Variants in RECQL5 observed in about 807,000 individuals in gnomAD.
RECQL5 encodes the protein ATP-dependent DNA helicase Q5.
In RECQL5, 88 loss-of-function variants were observed where a neutral mutation model predicts 103.4. The observed-to-expected ratio is 0.85, with a 90% CI of 0.72 to 1.02. The LOEUF is 1.02. RECQL5 is among the 50% of genes least tolerant of loss of function. The probability of loss-of-function intolerance (pLI) is 0.00; values close to 1 mark genes in which losing one functional copy is unlikely to be tolerated. For missense variants in RECQL5, 1,232 were observed against 1,284.3 expected, an observed-to-expected ratio of 0.96 and a Z score of 0.62; for synonymous variants, 552 against 507.9, an observed-to-expected ratio of 1.09 and a Z score of -1.17.
chr17:75,661,635 C>T lies in RECQL5; in HGVS notation c.845G>A (p.Arg282Lys). Residue 282 changes from arginine to lysine, a missense_variant, in exon 5 of 20, where the codon AGG becomes AAG. Coordinates refer to ENST00000317905, the MANE Select transcript of RECQL5 (RefSeq NM_004259.7). Reference sequence around the variant, plus strand: ...ATGGTAAGCCTTGGCGTTCACACCCCTGCAGCTGAGCTCTATGGCCAGCTG... The same window carrying T: ...ATGGTAAGCCTTGGCGTTCACACCCTTGCAGCTGAGCTCTATGGCCAGCTG... ...CEQLAIELSC[R>K]GVNAKAYHAG... is the part of the protein sequence containing the mutation. The T allele has an allele frequency of 1.2e-6, 2 of 1,614,128 alleles. No homozygotes were observed. The highest frequency in any genetic ancestry group is 2.2e-5 in the South Asian group (2 of 91,082).
In RECQL5 at chr17:75,627,380, G is replaced by C. The variant is rs753971549; in HGVS notation, c.*42C>G. The C allele has an allele frequency of 1.2e-5, 18 of 1,471,882 alleles. No homozygotes were observed. The highest frequency in any genetic ancestry group is 9.5e-6 in the Non-Finnish European group (10 of 1,052,372). 91.2% of individuals were successfully genotyped at this position (1,471,882 alleles called of 1,614,324 possible). On this transcript the variant is annotated 3_prime_UTR_variant, in exon 20 of 20. Transcript: ENST00000317905. ...GTGAGGCCCAGGATGACCCATGCTA[G>C]AATCTGGGGGAGGACGCGGGCCCTG... is the stretch of plus-strand genomic sequence containing the variant.
At chr17:75,662,379 A>G (rs577709994) in intron 4 of RECQL5, 100 bp downstream of exon 4, 4 of 1,288,242 alleles carry the variant, frequency 3.1e-6, no homozygotes, top group Non-Finnish European at 4.3e-6. Flanking sequence ...AGCCTGGCTG[A>G]GAAAGCTAGA....
intron 8 of RECQL5, 117 bp from the exon 9 acceptor site, chr17:75,631,785 A>C: frequency 9.7e-7 from 1 of 1,029,990 alleles, no homozygotes; most frequent in Non-Finnish European, 1.4e-6. Flanking sequence ...CCATGCCGGG[A>C]GCCCCACACC....
Position 75,627,102 on chromosome 17 carries a change from C to T in RECQL5, c.*320G>A, listed in dbSNP as rs767692909. ...GTGGGCCTCATCCTGACTTAGAACTCGGGGAGGGGCCACTCTTCCTTCCCC... is the reference window on the plus strand; with the variant it reads ...GTGGGCCTCATCCTGACTTAGAACTTGGGGAGGGGCCACTCTTCCTTCCCC... On this transcript the variant is annotated 3_prime_UTR_variant, in exon 20 of 20. Coordinates refer to ENST00000317905, the MANE Select transcript of RECQL5 (RefSeq NM_004259.7). 16 of 498,524 alleles carry T rather than the reference C, an allele frequency of 3.2e-5. No homozygotes were observed. Among genetic ancestry groups the T allele is most frequent in the South Asian group, 7.7e-5 (5 of 64,596 alleles). 30.9% of individuals were successfully genotyped at this position (498,524 alleles called of 1,614,324 possible). A position where few individuals can be genotyped will look rare whatever the true frequency, so the allele number is the denominator to read the frequency against.
intron 3 of RECQL5, among the ~76,000 whole-genome samples, chr17:75,664,171 T>G (rs1381675949): frequency 6.6e-6 from 1 of 152,104 alleles, no homozygotes; most frequent in African/African-American, 2.4e-5. Flanking sequence ...TCTACCTTCC[T>G]TCATGGTGGA....
At chr17:75,645,152 G>A (rs2059475025) in intron 8 of RECQL5, among the ~76,000 whole-genome samples, 1 of 152,180 alleles carries the variant, frequency 6.6e-6, no homozygotes, top group Non-Finnish European at 1.5e-5. Context: ...GGAACTTAAA[G>A]GCAAAGGAAG....
intron 14 of RECQL5, 35 bp from the exon 15 acceptor site, chr17:75,629,877 G>A (rs762431467): frequency 3.9e-5 from 61 of 1,567,268 alleles, no homozygotes; most frequent in South Asian, 7.0e-5. Context: ...TGTGGCACCC[G>A]CCAGCTCCTC....
chr17:75,634,110 G>A, intron 8 of RECQL5: 1 of 985,574 alleles, frequency 1.0e-6, no homozygotes, highest in Non-Finnish European at 1.2e-6. Flanking sequence ...GCGCCCAGGG[G>A]AGCAGCGGCG....
Position 75,629,307 on chromosome 17 carries a change from T to G in RECQL5, c.2116A>C (p.Ser706Arg). ...CCTCTGGGCCCAGGGAGGGGCTCAC[T>G]CCCATCCTCATCCAGGAGGCCACAG... ...RPCGLLDEDG[S>R]EPLPGPRGEV... is the part of the protein sequence containing the mutation. Residue 706 changes from serine to arginine, a missense_variant, in exon 16 of 20, where the codon AGT becomes CGT. Ser to Arg is a moderately radical substitution (Grantham distance 110). Coordinates refer to ENST00000317905, the MANE Select transcript of RECQL5 (RefSeq NM_004259.7). 1 of 1,561,056 alleles carries G rather than the reference T, an allele frequency of 6.4e-7. No individual in the cohort carries two copies. Among genetic ancestry groups the G allele is most frequent in the Non-Finnish European group, 8.7e-7 (1 of 1,151,962 alleles).
chr17:75,636,085 A>G lies in RECQL5; in HGVS notation c.1230-4417T>C, dbSNP rs573285279. ...CAGGGCACACCCTCTGAAGGCTCCA[A>G]GCAGGGCTGGCTGGGCAGCCTGGGC... is the stretch of plus-strand genomic sequence containing the variant. On this transcript the variant is annotated intron_variant, in intron 8 of 19. Transcript: ENST00000317905. The surrounding 1 kb of genome is among the most constrained non-coding windows in gnomAD (Gnocchi z 5.4). 3.9e-5 allele frequency among the ~76,000 whole-genome samples: 6 copies of G among 152,306 alleles called. No homozygotes were observed. The South Asian group carries it at 1.0e-3, about 26-fold the overall frequency.
chr17:75,633,653 C>T, intron 8 of RECQL5: 3 of 1,173,390 alleles, frequency 2.6e-6, no homozygotes, highest in South Asian at 1.6e-5. Flanking sequence ...TGAGAGAGGC[C>T]AGAGGGAGGG....
chr17:75,659,669 G>A (rs1012920950), intron 6 of RECQL5, among the ~76,000 whole-genome samples: 2 of 152,090 alleles, frequency 1.3e-5, no homozygotes, highest in East Asian at 1.9e-4. Context: ...CCCAGGGTTC[G>A]AACTCTGATT....
chr17:75,666,450 A>G lies in RECQL5; in HGVS notation c.108T>C (p.Ser36=), dbSNP rs1360543307. The G allele has an allele frequency of 6.2e-7, 1 of 1,613,918 alleles. No homozygotes were observed. Among genetic ancestry groups the G allele is most frequent in the South Asian group, 1.1e-5 (1 of 91,056 alleles). The change falls in exon 2 of 20, where the codon AGT becomes AGC. Residue 36 remains serine, a synonymous_variant. Transcript: ENST00000317905. ...TACCTTTTACTACAGCCATGGTCGC[A>G]CTCTCCTGTAAAGGCGTCTTAAAAG... ...FDSFKTPLQE[S]ATMAVVKGNK...
chr17:75,642,718 G>C (rs1298642864), intron 8 of RECQL5, among the ~76,000 whole-genome samples: 1 of 152,200 alleles, frequency 6.6e-6, no homozygotes, highest in Non-Finnish European at 1.5e-5. Context: ...TCAGCATTTT[G>C]GTGCAGATAA....
At chr17:75,658,009 T>C (rs748886183) in intron 7 of RECQL5, among the ~76,000 whole-genome samples, 2 of 151,760 alleles carry the variant, frequency 1.3e-5, no homozygotes, top group Non-Finnish European at 2.9e-5. Context: ...GTTCATGCCA[T>C]TGCACTCCAG....
intron 19 of RECQL5, 33 bp downstream of exon 19, chr17:75,627,590 G>C: frequency 6.2e-7 from 1 of 1,613,522 alleles, no homozygotes; most frequent in Non-Finnish European, 8.5e-7. Flanking sequence ...ACCCTCCCAA[G>C]TGCCTCCTGG....
Position 75,630,843 on chromosome 17 carries a change from G to GC in RECQL5, c.1586-7_1586-6insG, listed in dbSNP as rs1555706003. 24 of 1,311,152 alleles carry GC rather than the reference G, an allele frequency of 1.8e-5. No homozygotes were observed. Among genetic ancestry groups the GC allele is most frequent in the East Asian group, 5.7e-5 (2 of 34,868 alleles). 81.2% of individuals were successfully genotyped at this position (1,311,152 alleles called of 1,614,324 possible). On this transcript the variant is annotated splice_region_variant and splice_polypyrimidine_tract_variant and intron_variant, in intron 11 of 19. Coordinates refer to ENST00000317905, the MANE Select transcript of RECQL5 (RefSeq NM_004259.7). ...TTTCAGGGGACAGTTCTCATCTGTG[G>GC]GGGGGGGGGGTGGTCCTTGGTCCTT...
intron 7 of RECQL5, among the ~76,000 whole-genome samples, chr17:75,656,565 T>C (rs2059623127): frequency 6.6e-6 from 1 of 152,084 alleles, no homozygotes; most frequent in Non-Finnish European, 1.5e-5. Context: ...GAAAAGCTAC[T>C]GATCTTTAAA....
chr17:75,665,050 C>T lies in RECQL5; in HGVS notation c.252+1G>A, dbSNP rs1426594450. Reference sequence around the variant, plus strand: ...ACCATCTTCATTGCCCTAAGCCTCACCTGAATCAAAGCAATGAGAGGAGAG... The same window carrying T: ...ACCATCTTCATTGCCCTAAGCCTCATCTGAATCAAAGCAATGAGAGGAGAG... On this transcript the variant is annotated splice_donor_variant, in intron 3 of 19. Transcript: ENST00000317905. LOFTEE classifies it high-confidence loss of function. 10 of 1,591,654 alleles carry T rather than the reference C, an allele frequency of 6.3e-6. No individual in the cohort carries two copies. Among genetic ancestry groups the T allele is most frequent in the Non-Finnish European group, 8.5e-7 (1 of 1,172,362 alleles).
Sources: gnomAD v4.1 joint callset for allele counts (sites outside exome capture counted in the v4.1 genomes callset) on GRCh38, gnomAD v4.1.1 for gene constraint, Gnocchi (gnomAD v3.1) non-coding constraint, MANE v1.5 for transcripts, NCBI Gene and HGNC (gene_info 2026-07-23, HGNC 2026-07-21) for gene names.